The following GLB1 variants were observed in gnomAD, a reference collection of about 807,000 sequenced individuals.
GLB1 encodes the protein galactosidase beta 1, also known as beta-galactosidase.
Under a neutral mutation model 74.0 loss-of-function variants are expected in GLB1, and 56 were observed. The ratio of observed to expected loss-of-function variants is 0.76; its 90% CI spans 0.61 to 0.94. The LOEUF is 0.94. GLB1 is among the 40% of genes least tolerant of loss of function. The pLI, the probability that GLB1 is intolerant of heterozygous loss-of-function variation, is 0.00. For missense variants in GLB1, 787 were observed against 845.5 expected, an observed-to-expected ratio of 0.93 and a Z score of 0.86; for synonymous variants, 323 against 323.6, an observed-to-expected ratio of 1.00 and a Z score of 0.02.
intron 10 of GLB1, among the ~76,000 whole-genome samples, chr3:33,044,437 T>C (rs60462824): frequency 0.071 from 10,744 of 151,972 alleles, 519 homozygotes; most frequent in East Asian, 0.24. Context: ...TAAATATTTA[T>C]ATTAGAAAAG....
At chr3:33,068,136 C>T (rs1157577533) in intron 4 of GLB1, 94 bp downstream of exon 4, 2 of 1,580,652 alleles carry the variant, frequency 1.3e-6, no homozygotes, top group East Asian at 4.5e-5. Context: ...ATCCACCCGC[C>T]TCAGCCTCCC....
chr3:32,997,734 C>T (rs1433215188), intron 15 of GLB1, among the ~76,000 whole-genome samples: 2 of 152,198 alleles, frequency 1.3e-5, no homozygotes, highest in Admixed American at 1.3e-4. Flanking sequence ...CCAGCCTCTC[C>T]CTGACTTTTC....
At position 33,072,574 on chromosome 3, in the gene GLB1, A is replaced by G; in HGVS notation, c.215T>C (p.Met72Thr). ...RFYWKDRLLKMKMAGLNAIQT... is the reference protein window; with the variant it reads ...RFYWKDRLLKTKMAGLNAIQT... ...GATGGCGTTCAGCCCAGCCATCTTCATCTTCAGCAGCCGGTCCTTCCAGTA... is the reference window on the plus strand; with the variant it reads ...GATGGCGTTCAGCCCAGCCATCTTCGTCTTCAGCAGCCGGTCCTTCCAGTA... The change falls in exon 2 of 16, where the codon ATG becomes ACG. Residue 72 changes from methionine (M) to threonine (T), a missense_variant. By Grantham distance (81) the Met-to-Thr change is moderately conservative. Coordinates refer to ENST00000307363, the MANE Select transcript of GLB1 (RefSeq NM_000404.4). 1 of 1,613,808 alleles carries G rather than the reference A, an allele frequency of 6.2e-7. No homozygotes were observed. Among genetic ancestry groups the G allele is most frequent in the Non-Finnish European group, 8.5e-7 (1 of 1,180,042 alleles).
Position 33,093,444 on chromosome 3 carries a change from T to C in GLB1, c.75+3567A>G. ...GACAGCCGTCCGCAGGACCGAGGCT[T>C]CTGAGTCGGAGAGGTCACCCACAAT... On this transcript the variant is annotated intron_variant, in intron 1 of 15. Transcript: ENST00000307363. The surrounding 1 kb of genome is among the most constrained non-coding windows in gnomAD (Gnocchi z 6.0). 6.2e-7 allele frequency: 1 copy of C among 1,614,014 alleles called. No individual in the cohort carries two copies. Among genetic ancestry groups the C allele is most frequent in the Non-Finnish European group, 8.5e-7 (1 of 1,180,010 alleles).
intron 15 of GLB1, among the ~76,000 whole-genome samples, chr3:33,011,473 TAA>T (rs1697021858): frequency 6.8e-6 from 1 of 147,874 alleles, no homozygotes; most frequent in Non-Finnish European, 1.5e-5. Context: ...AAATAAAAAA[TAA>T]AATAAAAATA....
intron 5 of GLB1, 48 bp downstream of exon 5, chr3:33,065,415 G>A: frequency 6.5e-7 from 1 of 1,549,440 alleles, no homozygotes; most frequent in Non-Finnish European, 8.7e-7. Flanking sequence ...TAATGTAGAT[G>A]GATGGGAACC....
chr3:33,093,754 G>A lies in GLB1; in HGVS notation c.75+3257C>T, dbSNP rs369965720. The stretch of plus-strand genomic sequence containing the variant: ...AGGCTGCCCACGACCCTACCACTGC[G>A]CCAGGCCAAGAGCTGGTAGGCCTGC... On this transcript the variant is annotated intron_variant, in intron 1 of 15. Transcript: ENST00000307363. The surrounding 1 kb of genome is among the most constrained non-coding windows in gnomAD (Gnocchi z 6.0). 27 of 1,613,464 alleles carry A rather than the reference G, an allele frequency of 1.7e-5. No individual in the cohort carries two copies. The highest frequency in any genetic ancestry group is 2.2e-5 in the East Asian group (1 of 44,888).
chr3:33,043,731 C>A (rs9845011), intron 10 of GLB1, among the ~76,000 whole-genome samples: 1 of 148,052 alleles, frequency 6.8e-6, no homozygotes, highest in South Asian at 2.2e-4. Context: ...CACATGTAAA[C>A]AGAACAAAGG....
At chr3:33,043,477 A>AG (rs1698586650) in intron 10 of GLB1, among the ~76,000 whole-genome samples, 2 of 152,278 alleles carry the variant, frequency 1.3e-5, no homozygotes, top group Non-Finnish European at 2.9e-5. Flanking sequence ...AAAGTAGAAG[A>AG]GGGGGGAAAG....
At chr3:32,972,160 T>A in the GLB1 span, among the ~76,000 whole-genome samples, 1 of 152,146 alleles carries the variant, frequency 6.6e-6, no homozygotes, top group Non-Finnish European at 1.5e-5. Flanking sequence ...TACCCCCATC[T>A]ATATGCTCAA....
chr3:33,077,060 TA>T lies in GLB1; in HGVS notation c.76-4348del, dbSNP rs112485906. 3.1e-3 allele frequency: 3,070 copies of T among 986,666 alleles called. 1 individual carries two copies. The highest frequency in any genetic ancestry group is 6.6e-3 in the Admixed American group (228 of 34,808). The allele number at this position is 986,666 out of a possible 1,614,324, so 61.1% of individuals were successfully genotyped here. ...GGAACATGGCGAGACCCTGTCTCTA[TA>T]AAAAAAAAAATTAAAATTAGTGTCT... On this transcript the variant is annotated intron_variant, in intron 1 of 15. Transcript: ENST00000307363.
intron 1 of GLB1, among the ~76,000 whole-genome samples, chr3:33,086,249 A>G (rs1387717879): frequency 6.6e-6 from 1 of 152,160 alleles, no homozygotes; most frequent in Admixed American, 6.5e-5. Flanking sequence ...CTTATTGGTC[A>G]TTCTTGGAGG....
At chr3:33,065,319 A>G (rs1489304033) in intron 5 of GLB1, 144 bp downstream of exon 5, 9 of 1,153,354 alleles carry the variant, frequency 7.8e-6, no homozygotes, top group Non-Finnish European at 1.1e-5. Flanking sequence ...CCCAAATGCA[A>G]TTGAACTAAA....
chr3:33,000,360 G>C (rs769020672), intron 15 of GLB1, among the ~76,000 whole-genome samples: 49 of 152,174 alleles, frequency 3.2e-4, no homozygotes, highest in Non-Finnish European at 6.5e-4. Flanking sequence ...AAGTGTGAAG[G>C]AGGAATTGAA....
At chr3:33,080,098 T>G (rs9311001) in intron 1 of GLB1, among the ~76,000 whole-genome samples, 6 of 151,908 alleles carry the variant, frequency 3.9e-5, no homozygotes, top group East Asian at 1.9e-4. Context: ...AACTGTTTTT[T>G]TTTGTTTGTT....
Position 32,997,352 on chromosome 3 carries a change from G to A in GLB1, c.1735-8C>T, listed in dbSNP as rs772741040. On this transcript the variant is annotated splice_region_variant and splice_polypyrimidine_tract_variant and intron_variant, in intron 15 of 15. Transcript: ENST00000307363. Reference sequence around the variant, plus strand: ...ATTAATCCAGACCTGGCCCTGGAGAGAGAGAGACAGAGAACCATCAACCCC... The same window carrying A: ...ATTAATCCAGACCTGGCCCTGGAGAAAGAGAGACAGAGAACCATCAACCCC... 2 of 1,612,320 alleles carry A rather than the reference G, an allele frequency of 1.2e-6. No homozygotes were observed. The highest frequency in any genetic ancestry group is 8.5e-7 in the Non-Finnish European group (1 of 1,179,872).
intron 15 of GLB1, among the ~76,000 whole-genome samples, chr3:33,008,659 G>A (rs1453571270): frequency 6.6e-6 from 1 of 152,160 alleles, no homozygotes; most frequent in Non-Finnish European, 1.5e-5. Context: ...AACAATGAGG[G>A]GATGGTAGCC....
At chr3:33,014,659 G>C (rs144651929) in intron 14 of GLB1, among the ~76,000 whole-genome samples, 2 of 152,312 alleles carry the variant, frequency 1.3e-5, no homozygotes, top group African/African-American at 4.8e-5. Flanking sequence ...TGCTAGAATA[G>C]AGAAAGATGG....
chr3:33,066,419 C>T (rs1309601976), intron 4 of GLB1, among the ~76,000 whole-genome samples: 4 of 152,190 alleles, frequency 2.6e-5, no homozygotes. Context: ...AGCCCCCTCA[C>T]CATGTGATGC....
Sources: gnomAD v4.1 joint callset for allele counts (sites outside exome capture counted in the v4.1 genomes callset) on GRCh38, gnomAD v4.1.1 for gene constraint, Gnocchi (gnomAD v3.1) non-coding constraint, MANE v1.5 for transcripts, NCBI Gene and HGNC (gene_info 2026-07-23, HGNC 2026-07-21) for gene names.